The following RAB3GAP1 variants were observed in gnomAD, a reference collection of about 807,000 sequenced individuals.
RAB3GAP1 encodes the protein rab3 GTPase-activating protein catalytic subunit.
In RAB3GAP1, 86 loss-of-function variants were observed where a neutral mutation model predicts 130.7. That is an observed-to-expected ratio of 0.66 (90% CI 0.55 to 0.79). The LOEUF (loss-of-function observed/expected upper bound fraction) is 0.79, where lower values mean the gene tolerates loss of function less well. Ranked by LOEUF, RAB3GAP1 falls within the 30% of genes least tolerant of loss-of-function variation. RAB3GAP1 has a pLI of 0.00. For missense variants in RAB3GAP1, 1,029 were observed against 1,169.4 expected, an observed-to-expected ratio of 0.88 and a Z score of 1.75; for synonymous variants, 367 against 401.7, an observed-to-expected ratio of 0.91 and a Z score of 1.03.
intron 5 of RAB3GAP1, among the ~76,000 whole-genome samples, chr2:135,104,039 A>C (rs1325280809): frequency 1.3e-5 from 2 of 152,216 alleles, no homozygotes; most frequent in African/African-American, 4.8e-5. Context: ...CATTTAGCAG[A>C]AAGTGAAAGG....
intron 11 of RAB3GAP1, among the ~76,000 whole-genome samples, chr2:135,127,118 G>A (rs867219956): frequency 2.0e-4 from 30 of 150,970 alleles, no homozygotes; most frequent in Non-Finnish European, 3.1e-4. Flanking sequence ...CTCGTGATCC[G>A]CCCGCCTCGG....
At chr2:135,115,518 A>C in intron 7 of RAB3GAP1, 137 bp downstream of exon 7, 1 of 846,730 alleles carries the variant, frequency 1.2e-6, no homozygotes, top group Non-Finnish European at 1.8e-6. Context: ...ATAAGTGACT[A>C]CATAAATTAC....
chr2:135,069,325 A>G (rs1689405764), intron 3 of RAB3GAP1, among the ~76,000 whole-genome samples: 1 of 152,210 alleles, frequency 6.6e-6, no homozygotes, highest in African/African-American at 2.4e-5. Context: ...AGAAGATGGA[A>G]AGTCTTCTGG....
At chr2:135,081,408 A>G (rs926480216) in intron 3 of RAB3GAP1, among the ~76,000 whole-genome samples, 1 of 138,514 alleles carries the variant, frequency 7.2e-6, no homozygotes, top group African/African-American at 2.7e-5. Flanking sequence ...ATGTGTGTGT[A>G]TATATATGTG....
At chr2:135,127,524 A>T (rs1026228093) in intron 11 of RAB3GAP1, among the ~76,000 whole-genome samples, 6 of 151,404 alleles carry the variant, frequency 4.0e-5, no homozygotes, top group Non-Finnish European at 7.4e-5. Flanking sequence ...TTGTGTTTTT[A>T]GTAGAGACGG....
In RAB3GAP1 at chr2:135,075,641, TTTTTTTTTTAAA is replaced by T. The variant is rs1385729158; in HGVS notation, c.151-15346_151-15335del. On this transcript the variant is annotated intron_variant, in intron 3 of 23. Transcript: ENST00000264158. ...TCTACATACTCTTGCATGTTTGCCT[TTTTTTTTTTAAA>T]TTTTTTTTTATATTTGCCTTTTTTT... is the stretch of plus-strand genomic sequence containing the variant. 2.7e-5 allele frequency among the ~76,000 whole-genome samples: 4 copies of T among 147,672 alleles called. No individual in the cohort carries two copies. In the East Asian group the frequency reaches 8.2e-4, roughly 30 times the overall value.
intron 17 of RAB3GAP1, among the ~76,000 whole-genome samples, chr2:135,143,367 G>T (rs1691900222): frequency 6.6e-6 from 1 of 151,778 alleles, no homozygotes; most frequent in Non-Finnish European, 1.5e-5. Flanking sequence ...TTAATTTTAT[G>T]AATCTTTCCC....
At chr2:135,109,612 T>A (rs1690737726) in intron 5 of RAB3GAP1, among the ~76,000 whole-genome samples, 1 of 151,998 alleles carries the variant, frequency 6.6e-6, no homozygotes, top group South Asian at 2.1e-4. Flanking sequence ...AGACAGGGCC[T>A]TGCTCTGTCA....
intron 19 of RAB3GAP1, 90 bp from the exon 20 acceptor site, chr2:135,162,465 A>T (rs1398203964): frequency 1.0e-6 from 1 of 953,490 alleles, no homozygotes; most frequent in Non-Finnish European, 1.7e-6. Context: ...AAGGATTAAG[A>T]TGAGTGGCTG....
downstream of RAB3GAP1, among the ~76,000 whole-genome samples, chr2:135,173,892 A>G (rs899509713): frequency 6.6e-5 from 10 of 152,162 alleles, no homozygotes; most frequent in African/African-American, 2.2e-4. Context: ...CGATGCCTCT[A>G]TGGCAAAAGA....
chr2:135,117,441 T>G (rs376530685), intron 7 of RAB3GAP1, among the ~76,000 whole-genome samples: 10 of 88,998 alleles, frequency 1.1e-4, no homozygotes, highest in African/African-American at 2.8e-4. Context: ...TTCTTCTTCT[T>G]CTTCTTCTTC....
Position 135,081,361 on chromosome 2 carries a change from T to TAC in RAB3GAP1, c.151-9630_151-9629dup, listed in dbSNP as rs1553440427. ...ATATATATATATATATATATATATA[T>TAC]ACACACACGTGTGTGTGTGTATATA... On this transcript the variant is annotated intron_variant, in intron 3 of 23. Transcript: ENST00000264158. Among the ~76,000 whole-genome samples the TAC allele has an allele frequency of 6.2e-3, 443 of 71,132 alleles. 4 individuals are homozygous for TAC. The highest frequency in any genetic ancestry group is 0.039 in the Middle Eastern group (3 of 76). 46.7% of individuals were successfully genotyped at this position (71,132 alleles called of 152,430 possible).
chr2:135,087,464 G>C (rs951487856), intron 3 of RAB3GAP1, among the ~76,000 whole-genome samples: 1 of 152,152 alleles, frequency 6.6e-6, no homozygotes, highest in Non-Finnish European at 1.5e-5. Flanking sequence ...TGAATATATA[G>C]ATTAACTTGG....
chr2:135,128,987 C>CA (rs1691437193), intron 11 of RAB3GAP1, among the ~76,000 whole-genome samples: 1 of 151,998 alleles, frequency 6.6e-6, no homozygotes, highest in Admixed American at 6.6e-5. Context: ...CTCGTCTCTA[C>CA]AAAAAATACA....
chr2:135,161,523 T>A (rs1426056808), intron 19 of RAB3GAP1, among the ~76,000 whole-genome samples: 1 of 152,148 alleles, frequency 6.6e-6, no homozygotes, highest in African/African-American at 2.4e-5. Context: ...AGCAAAAGAA[T>A]GATTTGTAGT....
chr2:135,121,458 T>G (rs1691200980), intron 8 of RAB3GAP1, among the ~76,000 whole-genome samples: 1 of 152,158 alleles, frequency 6.6e-6, no homozygotes, highest in South Asian at 2.1e-4. Flanking sequence ...ATTCAACAAT[T>G]ATTAATTATT....
At chr2:135,117,971 G>A (rs961671439) in intron 7 of RAB3GAP1, among the ~76,000 whole-genome samples, 1 of 151,794 alleles carries the variant, frequency 6.6e-6, no homozygotes, top group Admixed American at 6.6e-5. Context: ...TCCCACCTCG[G>A]CCTCCTGAAT....
chr2:135,132,857 TG>T, intron 13 of RAB3GAP1, 37 bp from the exon 14 acceptor site: 1 of 1,156,494 alleles, frequency 8.6e-7, no homozygotes, highest in Non-Finnish European at 1.3e-6. Context: ...ATAGGAAATG[TG>T]GTCTAAAATG....
chr2:135,088,328 C>T (rs987675475), intron 3 of RAB3GAP1, among the ~76,000 whole-genome samples: 6 of 152,004 alleles, frequency 3.9e-5, no homozygotes, highest in Non-Finnish European at 5.9e-5. Flanking sequence ...CTTTGGTATA[C>T]GCAGTTGATG....
Sources: allele counts gnomAD v4.1 joint callset (sites outside exome capture counted in the v4.1 genomes callset), GRCh38; gene constraint gnomAD v4.1.1; transcripts MANE v1.5; gene names NCBI Gene and HGNC (gene_info 2026-07-23, HGNC 2026-07-21).